Variants in LINGO1 observed in about 807,000 individuals in gnomAD.
LINGO1 encodes the protein leucine rich repeat and Ig domain containing 1, also known as leucine-rich repeat and immunoglobulin-like domain-containing nogo receptor-interacting protein 1.
A neutral mutation model predicts 37.3 loss-of-function variants in LINGO1; 11 were observed. That is an observed-to-expected ratio of 0.29 (90% CI 0.19 to 0.49). LINGO1 has a LOEUF of 0.49. Ranked by LOEUF, LINGO1 falls within the 20% of genes least tolerant of loss-of-function variation. LINGO1 has a pLI of 0.99. For missense variants in LINGO1, 585 were observed against 878.2 expected, an observed-to-expected ratio of 0.67 and a Z score of 4.22; for synonymous variants, 387 against 403.0, an observed-to-expected ratio of 0.96 and a Z score of 0.48.
At chr15:77,686,958 C>G (rs2075521371) in intron 2 of LINGO1, among the ~76,000 whole-genome samples, 1 of 152,224 alleles carries the variant, frequency 6.6e-6, no homozygotes, top group South Asian at 2.1e-4. Flanking sequence ...GGCACAGGAG[C>G]CTTGCCCAGA....
chr15:77,634,642 A>T (rs2074358157), upstream of LINGO1, among the ~76,000 whole-genome samples: 1 of 152,130 alleles, frequency 6.6e-6, no homozygotes, highest in East Asian at 1.9e-4. Context: ...AAGGACTTAC[A>T]GGTGGGAGGT....
intron 3 of LINGO1, among the ~76,000 whole-genome samples, chr15:77,676,145 C>T (rs920534044): frequency 2.6e-5 from 4 of 152,344 alleles, no homozygotes; most frequent in East Asian, 1.9e-4. Flanking sequence ...GGACAGCCTG[C>T]GGCAGCTGGG....
At chr15:77,712,089 C>A (rs1219662739) in intron 2 of LINGO1, among the ~76,000 whole-genome samples, 1 of 152,166 alleles carries the variant, frequency 6.6e-6, no homozygotes, top group Non-Finnish European at 1.5e-5. Flanking sequence ...ACAGAGGGCT[C>A]CTGTCTGTCC....
chr15:77,803,977 G>A (rs2076939752), intron 1 of LINGO1, among the ~76,000 whole-genome samples: 1 of 152,168 alleles, frequency 6.6e-6, no homozygotes, highest in Non-Finnish European at 1.5e-5. Context: ...AGGCAGCAGG[G>A]TAGAGCAGAA....
chr15:77,766,297 C>CAA (rs71447163), intron 1 of LINGO1, among the ~76,000 whole-genome samples: 1,446 of 47,468 alleles, frequency 0.03, 36 homozygotes, highest in Middle Eastern at 0.048. Context: ...GACCCTGTCT[C>CAA]AAAAAAAAAA....
At chr15:77,705,686 C>T (rs942725588) in intron 2 of LINGO1, among the ~76,000 whole-genome samples, 10 of 152,232 alleles carry the variant, frequency 6.6e-5, no homozygotes, top group African/African-American at 2.4e-4. Flanking sequence ...TTTTTTACTT[C>T]TTCTCAGGCT....
intron 1 of LINGO1, among the ~76,000 whole-genome samples, chr15:77,783,602 C>T (rs979148989): frequency 6.6e-6 from 1 of 152,210 alleles, no homozygotes; most frequent in African/African-American, 2.4e-5. Flanking sequence ...CCGGTTTCTT[C>T]GTCCATTTAA....
chr15:77,811,409 G>T (rs943321337), intron 1 of LINGO1, among the ~76,000 whole-genome samples: 2 of 152,170 alleles, frequency 1.3e-5, no homozygotes, highest in Non-Finnish European at 2.9e-5. Flanking sequence ...GAGGGGTCCA[G>T]CTCCAGACCA....
upstream of LINGO1, among the ~76,000 whole-genome samples, chr15:77,633,202 G>C (rs2074320580): frequency 6.6e-6 from 1 of 152,078 alleles, no homozygotes; most frequent in Non-Finnish European, 1.5e-5. Flanking sequence ...GGCTCTGGGC[G>C]AGTCCCGGGC....
intron 2 of LINGO1, among the ~76,000 whole-genome samples, chr15:77,793,265 T>G (rs1349511359): frequency 6.6e-6 from 1 of 152,188 alleles, no homozygotes; most frequent in Admixed American, 6.5e-5. Flanking sequence ...AGAGGTCATC[T>G]GGGATCCACA....
intron 3 of LINGO1, among the ~76,000 whole-genome samples, chr15:77,665,298 G>T (rs979314235): frequency 6.6e-6 from 1 of 152,180 alleles, no homozygotes; most frequent in East Asian, 1.9e-4. Context: ...TTCCTGCCTT[G>T]CTCCATGCTT....
At chr15:77,701,799 CT>C (rs1379714854) in intron 2 of LINGO1, among the ~76,000 whole-genome samples, 2 of 152,202 alleles carry the variant, frequency 1.3e-5, no homozygotes, top group African/African-American at 4.8e-5. Context: ...GCCCCCTCCC[CT>C]GATGCAGATG....
chr15:77,785,920 A>C (rs1223945792), intron 1 of LINGO1, among the ~76,000 whole-genome samples: 1 of 152,132 alleles, frequency 6.6e-6, no homozygotes, highest in Non-Finnish European at 1.5e-5. Context: ...GGCCAACCCC[A>C]GGCAAATCCC....
intron 3 of LINGO1, among the ~76,000 whole-genome samples, chr15:77,649,673 C>T (rs965835288): frequency 6.6e-6 from 1 of 152,058 alleles, no homozygotes; most frequent in African/African-American, 2.4e-5. Flanking sequence ...AGGTTTCTAG[C>T]TGGAGGATAG....
chr15:77,761,978 T>C (rs997790523), intron 1 of LINGO1, among the ~76,000 whole-genome samples: 2 of 152,166 alleles, frequency 1.3e-5, no homozygotes, highest in African/African-American at 4.8e-5. Flanking sequence ...GCCCTGACCC[T>C]TTCTGACCCC....
At position 77,673,048 on chromosome 15, in the gene LINGO1, C is replaced by T. The variant is rs192227111; in HGVS notation, c.-13+4041G>A. Among the ~76,000 whole-genome samples the T allele has an allele frequency of 4.9e-3, 749 of 152,250 alleles. 2 individuals carry two copies. The highest frequency in any genetic ancestry group is 7.3e-3 in the Non-Finnish European group (499 of 68,024). ...AGGACGCTTACCCAACAAACAGTGC[C>T]GAAACAACTGCAAGTCATTTGGGAA... is the stretch of plus-strand genomic sequence containing the variant. On this transcript the variant is annotated intron_variant, in intron 3 of 3. Transcript: ENST00000559893.
upstream of LINGO1, among the ~76,000 whole-genome samples, chr15:77,789,928 C>T (rs749351211): frequency 5.3e-5 from 8 of 152,230 alleles, no homozygotes; most frequent in Admixed American, 2.0e-4. Flanking sequence ...TGTGCCACCA[C>T]GACCAGCTAT....
At chr15:77,779,570 A>G (rs2076694844) in intron 1 of LINGO1, among the ~76,000 whole-genome samples, 1 of 152,012 alleles carries the variant, frequency 6.6e-6, no homozygotes, top group Non-Finnish European at 1.5e-5. Context: ...AGTGCTACCT[A>G]GATCCCTCAC....
At chr15:77,631,847 G>A (rs898941554) in intron 1 of LINGO1, among the ~76,000 whole-genome samples, 1 of 152,214 alleles carries the variant, frequency 6.6e-6, no homozygotes. Context: ...ATCCAGGCTG[G>A]AGCTTGTGGA....
Sources: gnomAD v4.1 joint callset for allele counts (sites outside exome capture counted in the v4.1 genomes callset) on GRCh38, gnomAD v4.1.1 for gene constraint, MANE v1.5 for transcripts, NCBI Gene and HGNC (gene_info 2026-07-23, HGNC 2026-07-21) for gene names.